Variants in GLRA2 observed in about 807,000 individuals in gnomAD.
The protein encoded by GLRA2 is glycine receptor alpha 2, also known as glycine receptor subunit alpha-2.
A neutral mutation model predicts 31.6 loss-of-function variants in GLRA2; 11 were observed. That is an observed-to-expected ratio of 0.35 (90% CI 0.22 to 0.58). GLRA2 has a LOEUF of 0.58. Ranked by LOEUF, GLRA2 falls within the 20% of genes least tolerant of loss-of-function variation. The probability of loss-of-function intolerance (pLI) is 0.84; values close to 1 mark genes in which losing one functional copy is unlikely to be tolerated. For synonymous variants in GLRA2, 132 were observed against 134.0 expected, an observed-to-expected ratio of 0.99 and a Z score of 0.10; for missense variants, 212 against 351.8, an observed-to-expected ratio of 0.60 and a Z score of 3.18.
chrX:14,556,409 G>T (rs1463140376), intron 2 of GLRA2, among the ~76,000 whole-genome samples: 1 of 111,239 alleles, frequency 9.0e-6, no homozygotes, highest in Admixed American at 9.5e-5. Flanking sequence ...ATTCCAAATG[G>T]CATTCAAAAT....
At chrX:14,483,629 G>A in the GLRA2 span, among the ~76,000 whole-genome samples, 3 of 111,870 alleles carry the variant, frequency 2.7e-5, no homozygotes, top group African/African-American at 6.5e-5. Context: ...CTCCTTAAGA[G>A]CAGGTACCTG....
intron 7 of GLRA2, among the ~76,000 whole-genome samples, chrX:14,643,804 G>T (rs2090800628): frequency 8.9e-6 from 1 of 111,906 alleles, no homozygotes; most frequent in Non-Finnish European, 1.9e-5. Flanking sequence ...ACATGTCTTT[G>T]TCACAAAATC....
intron 8 of GLRA2, among the ~76,000 whole-genome samples, chrX:14,715,870 A>G (rs949404966): frequency 7.1e-5 from 8 of 111,927 alleles, no homozygotes; most frequent in East Asian, 5.6e-4. Context: ...AATGGAAGCA[A>G]TGGTCCAACG....
At chrX:14,522,282 C>T in the GLRA2 span, among the ~76,000 whole-genome samples, 3 of 112,173 alleles carry the variant, frequency 2.7e-5, no homozygotes, top group African/African-American at 9.7e-5. Flanking sequence ...ACTCCTCATA[C>T]GTTTAAGTTT....
chrX:14,469,923 G>A, the GLRA2 span, among the ~76,000 whole-genome samples: 14 of 110,716 alleles, frequency 1.3e-4, no homozygotes, highest in Non-Finnish European at 1.9e-4. Flanking sequence ...GCTTTAAAAA[G>A]CAACGTTTTG....
At chrX:14,559,286 C>T (rs897122970) in intron 2 of GLRA2, among the ~76,000 whole-genome samples, 2 of 111,540 alleles carry the variant, frequency 1.8e-5, no homozygotes, top group East Asian at 5.6e-4. Flanking sequence ...TGTCAGCAAA[C>T]AAGCTGAATG....
At chrX:14,592,045 A>C (rs2147078206) in intron 4 of GLRA2, among the ~76,000 whole-genome samples, 1 of 111,534 alleles carries the variant, frequency 9.0e-6, no homozygotes, top group South Asian at 3.8e-4. Context: ...TCTGGGTCTC[A>C]GTTTCCTCTA....
chrX:14,478,305 G>A, the GLRA2 span, among the ~76,000 whole-genome samples: 1 of 111,384 alleles, frequency 9.0e-6, no homozygotes, highest in Non-Finnish European at 1.9e-5. Flanking sequence ...GTCCATTTCT[G>A]TTGTGTGCAG....
chrX:14,698,992 G>C (rs2091494080), intron 8 of GLRA2, among the ~76,000 whole-genome samples: 1 of 111,575 alleles, frequency 9.0e-6, no homozygotes, highest in African/African-American at 3.3e-5. Flanking sequence ...GCAACTAGGT[G>C]TATTTGCTTT....
intron 7 of GLRA2, among the ~76,000 whole-genome samples, chrX:14,609,514 TG>T (rs779933219): frequency 1.8e-5 from 2 of 111,181 alleles, no homozygotes; most frequent in Admixed American, 1.9e-4. Flanking sequence ...TTATAAGACA[TG>T]AAGCTTGCAA....
upstream of GLRA2, among the ~76,000 whole-genome samples, chrX:14,525,659 G>GGT (rs997053900): frequency 5.4e-5 from 6 of 111,173 alleles, no homozygotes; most frequent in African/African-American, 2.0e-4. Flanking sequence ...GAGTGTTAGA[G>GGT]GTAGAACTCG....
At chrX:14,724,350 G>C (rs1221438757) in intron 8 of GLRA2, among the ~76,000 whole-genome samples, 1 of 110,574 alleles carries the variant, frequency 9.0e-6, no homozygotes, top group African/African-American at 3.3e-5. Context: ...AATAAGCCAG[G>C]CATGGTGGCT....
intron 8 of GLRA2, among the ~76,000 whole-genome samples, chrX:14,706,889 T>C (rs1429508247): frequency 1.8e-5 from 2 of 112,154 alleles, no homozygotes; most frequent in Non-Finnish European, 3.8e-5. Flanking sequence ...GGCAGTGATA[T>C]CTCCACAGGG....
chrX:14,564,760 A>G (rs756847717), intron 2 of GLRA2, among the ~76,000 whole-genome samples: 11 of 112,070 alleles, frequency 9.8e-5, no homozygotes, highest in Non-Finnish European at 5.7e-5. Context: ...TTAAGTTGGT[A>G]TCAGAGAGAA....
chrX:14,493,311 A>G, the GLRA2 span, among the ~76,000 whole-genome samples: 1 of 109,624 alleles, frequency 9.1e-6, no homozygotes, highest in East Asian at 2.8e-4. Flanking sequence ...ACATCCATAC[A>G]ATGGAATACT....
At chrX:14,539,764 A>G (rs952709040) in intron 2 of GLRA2, among the ~76,000 whole-genome samples, 2 of 112,103 alleles carry the variant, frequency 1.8e-5, no homozygotes, top group Non-Finnish European at 3.8e-5. Context: ...ATTTGAGAAA[A>G]GGCATCTTCA....
intron 4 of GLRA2, among the ~76,000 whole-genome samples, chrX:14,592,562 C>T (rs934928307): frequency 2.0e-4 from 22 of 111,113 alleles, no homozygotes; most frequent in Non-Finnish European, 4.0e-4. Context: ...GTCCCAGCTA[C>T]TTAGGGGGCT....
In GLRA2 at chrX:14,682,021, A is replaced by G. The variant is rs533856091; in HGVS notation, c.931-8689A>G. On this transcript the variant is annotated intron_variant, in intron 7 of 8. Transcript: ENST00000218075. ...TGTGTGTGTGTGTGTGTATATATAT[A>G]AATATATATAAAATTGTAAGTTGAG... is the stretch of plus-strand genomic sequence containing the variant. Among the ~76,000 whole-genome samples, 57 of 100,598 alleles carry G rather than the reference A, an allele frequency of 5.7e-4. 1 individual carries two copies. In the South Asian group the frequency reaches 0.023, roughly 40 times the overall value. 87.4% of individuals were successfully genotyped at this position (100,598 alleles called of 115,157 possible).
At chrX:14,508,359 T>G in the GLRA2 span, among the ~76,000 whole-genome samples, 1 of 112,157 alleles carries the variant, frequency 8.9e-6, no homozygotes, top group Non-Finnish European at 1.9e-5. Context: ...AAATTTTCAT[T>G]GGCGGAGGAG....
Sources: allele counts gnomAD v4.1 joint callset (sites outside exome capture counted in the v4.1 genomes callset), GRCh38; gene constraint gnomAD v4.1.1; transcripts MANE v1.5; gene names NCBI Gene and HGNC (gene_info 2026-07-23, HGNC 2026-07-21).